Variants in SRFBP1 observed in about 807,000 individuals in gnomAD.
SRFBP1 encodes the protein serum response factor-binding protein 1.
SRFBP1 carries 47 observed loss-of-function variants against 45.5 expected under a neutral mutation model. The observed-to-expected ratio is 1.03, with a 90% confidence interval of 0.82 to 1.32. The LOEUF is 1.32. Among genes scored for constraint, SRFBP1 ranks in the 40% most tolerant of loss-of-function variants. The pLI, the probability that SRFBP1 is intolerant of heterozygous loss-of-function variation, is 0.00. For synonymous variants in SRFBP1, 203 were observed against 166.3 expected (o/e 1.22, Z -1.70); for missense variants, 621 against 484.6 (o/e 1.28, Z -2.64).
intron 1 of SRFBP1, among the ~76,000 whole-genome samples, chr5:121,966,419 C>A (rs1224958429): frequency 6.6e-6 from 1 of 152,088 alleles, no homozygotes; most frequent in East Asian, 1.9e-4. Context: ...CAGCACAGTA[C>A]CTTGTCTACA....
At chr5:122,024,829 A>C (rs907367126) in intron 7 of SRFBP1, among the ~76,000 whole-genome samples, 9 of 152,220 alleles carry the variant, frequency 5.9e-5, no homozygotes, top group Non-Finnish European at 1.3e-4. Flanking sequence ...GTATGCTTAA[A>C]ATATTTACTA....
intron 2 of SRFBP1, among the ~76,000 whole-genome samples, chr5:121,974,648 G>T (rs1467699550): frequency 9.9e-5 from 15 of 151,814 alleles, no homozygotes; most frequent in Non-Finnish European, 1.5e-5. Context: ...CAGTTTTGAA[G>T]ATTTTATATC....
At chr5:122,040,030 G>A (rs1018378000) in intron 2 of SRFBP1, among the ~76,000 whole-genome samples, 3 of 151,886 alleles carry the variant, frequency 2.0e-5, no homozygotes, top group African/African-American at 7.3e-5. Context: ...CAGTAGCTTG[G>A]TTTATCCATA....
downstream of SRFBP1, chr5:122,076,752 C>A: frequency 1.5e-6 from 1 of 660,612 alleles, no homozygotes. Context: ...TCAGCATGCC[C>A]AGGAGGTCAC....
At chr5:122,065,797 A>T (rs1754284018) in intron 2 of SRFBP1, 1 of 151,468 alleles carries the variant, frequency 6.6e-6, no homozygotes, top group Admixed American at 6.6e-5. Context: ...TTTGGGGGGG[A>T]CTTGTTTGTG....
intron 2 of SRFBP1, among the ~76,000 whole-genome samples, chr5:122,046,489 C>G (rs1180653076): frequency 6.6e-6 from 1 of 151,902 alleles, no homozygotes; most frequent in African/African-American, 2.4e-5. Flanking sequence ...CTATTGTGAA[C>G]AGTGCCACAA....
In SRFBP1 at chr5:122,019,364, GC is replaced by G. The variant is rs1423242258; in HGVS notation, c.352+25del. 1.9e-6 allele frequency: 3 copies of G among 1,573,918 alleles called. No individual in the cohort carries two copies. In the South Asian group the frequency reaches 3.4e-5, roughly 18 times the overall value. On this transcript the variant is annotated intron_variant, in intron 5 of 7. Transcript: ENST00000339397. ...AAGGTATGAATTAAATGACTTTTAA[GC>G]CATGTACTTAATGTATTTGTAGACT...
intron 4 of SRFBP1, among the ~76,000 whole-genome samples, chr5:121,996,815 G>C (rs1381427768): frequency 7.2e-6 from 1 of 138,164 alleles, no homozygotes; most frequent in East Asian, 2.2e-4. Context: ...CTTCAGCAAA[G>C]TCTCAGGATA....
chr5:122,076,997 G>T, downstream of SRFBP1: 1 of 1,613,322 alleles, frequency 6.2e-7, no homozygotes, highest in South Asian at 1.1e-5. Flanking sequence ...CCAGGTCTGG[G>T]AGACCTAAAC....
At chr5:122,013,889 A>G (rs1027681735) in intron 4 of SRFBP1, among the ~76,000 whole-genome samples, 5 of 152,182 alleles carry the variant, frequency 3.3e-5, no homozygotes, top group Admixed American at 3.3e-4. Context: ...GGCTGGGGAC[A>G]GGAGTAGTAC....
At chr5:122,034,279 C>A (rs891492113) in intron 2 of SRFBP1, among the ~76,000 whole-genome samples, 4 of 152,082 alleles carry the variant, frequency 2.6e-5, no homozygotes, top group African/African-American at 9.7e-5. Flanking sequence ...GTCAACCCTG[C>A]CAGATTATTT....
downstream of SRFBP1, among the ~76,000 whole-genome samples, chr5:122,030,187 A>G (rs1753566663): frequency 1.3e-5 from 2 of 152,254 alleles, no homozygotes; most frequent in Admixed American, 6.5e-5. Context: ...AAAACTGTCC[A>G]AACTATCAGA....
chr5:122,077,989 T>A (rs775417773), downstream of SRFBP1: 1 of 1,445,468 alleles, frequency 6.9e-7, no homozygotes, highest in Non-Finnish European at 9.1e-7. The surrounding 1 kb of genome is among the most constrained non-coding windows in gnomAD (Gnocchi z 4.9). Flanking sequence ...AGCGCATCAC[T>A]CCTTTTGCCA....
chr5:122,045,904 T>A (rs1561407260), intron 2 of SRFBP1, among the ~76,000 whole-genome samples: 1 of 151,950 alleles, frequency 6.6e-6, no homozygotes, highest in Admixed American at 6.6e-5. Flanking sequence ...TGAATAGGAG[T>A]GGTGAGAGAG....
intron 3 of SRFBP1, among the ~76,000 whole-genome samples, chr5:121,984,464 C>T (rs1456733387): frequency 6.6e-6 from 1 of 151,712 alleles, no homozygotes; most frequent in African/African-American, 2.4e-5. Context: ...GTTTGGATTG[C>T]CTTTTTACGC....
At chr5:122,019,560 C>A (rs375624869) in intron 5 of SRFBP1, among the ~76,000 whole-genome samples, 1 of 150,798 alleles carries the variant, frequency 6.6e-6, no homozygotes, top group East Asian at 1.9e-4. Flanking sequence ...ACGTATAATA[C>A]GTAATATATA....
At chr5:121,998,407 T>C (rs1284646152) in intron 4 of SRFBP1, among the ~76,000 whole-genome samples, 2 of 144,258 alleles carry the variant, frequency 1.4e-5, no homozygotes, top group Non-Finnish European at 3.0e-5. Context: ...CAGTAAACTA[T>C]CGCAAGAACA....
downstream of SRFBP1, among the ~76,000 whole-genome samples, chr5:122,075,852 T>C (rs1490211383): frequency 6.6e-6 from 1 of 152,158 alleles, no homozygotes; most frequent in Admixed American, 6.5e-5. Flanking sequence ...AAGTAAACTT[T>C]AGAATCAATT....
downstream of SRFBP1, chr5:122,076,905 T>C: frequency 3.7e-6 from 6 of 1,613,812 alleles, no homozygotes; most frequent in Non-Finnish European, 5.1e-6. Context: ...GGCCAGACAG[T>C]TTTCCTCCGC....
Sources: gnomAD v4.1 joint callset for allele counts (sites outside exome capture counted in the v4.1 genomes callset) on GRCh38, gnomAD v4.1.1 for gene constraint, Gnocchi (gnomAD v3.1) non-coding constraint, MANE v1.5 for transcripts, NCBI Gene and HGNC (gene_info 2026-07-23, HGNC 2026-07-21) for gene names.